The following METTL16 variants were observed in gnomAD, a reference collection of about 807,000 sequenced individuals.
METTL16 encodes the protein methyltransferase 16, RNA N6-adenosine.
METTL16 carries 19 observed loss-of-function variants against 57.9 expected under a neutral mutation model. The observed-to-expected ratio is 0.33, with a 90% confidence interval of 0.23 to 0.48. METTL16 has a LOEUF of 0.48. METTL16 is among the 20% of genes least tolerant of loss of function. The pLI, the probability that METTL16 is intolerant of heterozygous loss-of-function variation, is 0.99. For missense variants in METTL16, 434 were observed against 691.5 expected (o/e 0.63, Z 4.18); for synonymous variants, 246 against 255.6 (o/e 0.96, Z 0.36).
At chr17:2,461,163 G>A (rs1406542141) in intron 6 of METTL16, among the ~76,000 whole-genome samples, 1 of 152,054 alleles carries the variant, frequency 6.6e-6, no homozygotes, top group African/African-American at 2.4e-5. Context: ...GACCAGCCTG[G>A]CCAACATGGT....
intron 8 of METTL16, among the ~76,000 whole-genome samples, chr17:2,429,416 G>C (rs1209570269): frequency 6.7e-6 from 1 of 149,804 alleles, no homozygotes; most frequent in African/African-American, 2.5e-5. Flanking sequence ...TCGAACTCCT[G>C]ACCTCAGGCA....
intron 6 of METTL16, among the ~76,000 whole-genome samples, chr17:2,451,467 A>T (rs2151556837): frequency 6.6e-6 from 1 of 152,098 alleles, no homozygotes; most frequent in South Asian, 2.1e-4. Context: ...AAAAATACAA[A>T]AAAATTTAGC....
rs149928248 is a variant in METTL16 at position 2,495,510 on chromosome 17, C to T, written c.128+6694G>A. Among the ~76,000 whole-genome samples the T allele has an allele frequency of 8.4e-3, 1,267 of 151,120 alleles. 13 individuals are homozygous for T. Among genetic ancestry groups the T allele is most frequent in the South Asian group, 0.029 (138 of 4,780 alleles). ...AGGAGTTCGAGACCAGCCTGGCTAACATGGTGAAACACTGTCTCTACTAAA... is the reference window on the plus strand; with the variant it reads ...AGGAGTTCGAGACCAGCCTGGCTAATATGGTGAAACACTGTCTCTACTAAA... On this transcript the variant is annotated intron_variant, in intron 2 of 9. Transcript: ENST00000263092.
At chr17:2,483,856 T>C (rs1472152206) in intron 2 of METTL16, among the ~76,000 whole-genome samples, 4 of 152,188 alleles carry the variant, frequency 2.6e-5, no homozygotes, top group East Asian at 1.9e-4. Context: ...TTCAATGACA[T>C]AGGAATGAAA....
At chr17:2,468,500 G>A (rs971470127) in intron 4 of METTL16, among the ~76,000 whole-genome samples, 2 of 152,146 alleles carry the variant, frequency 1.3e-5, no homozygotes, top group Non-Finnish European at 2.9e-5. Flanking sequence ...GACCGCAAAT[G>A]CATCAAAGGG....
At chr17:2,471,463 A>T (rs761797463) in intron 4 of METTL16, among the ~76,000 whole-genome samples, 6 of 152,162 alleles carry the variant, frequency 3.9e-5, no homozygotes, top group Non-Finnish European at 8.8e-5. Flanking sequence ...TTTTGGATAT[A>T]ATACCAACAG....
chr17:2,424,031 TATACAATGGTCA>T (rs1254276054), intron 8 of METTL16: 1 of 152,192 alleles, frequency 6.6e-6, no homozygotes, highest in Non-Finnish European at 1.5e-5. Context: ...AACTTTCCCA[TATACAATGGTCA>T]GTCAACAAAC....
intron 8 of METTL16, among the ~76,000 whole-genome samples, chr17:2,437,260 C>T (rs1390952877): frequency 2.6e-5 from 4 of 152,036 alleles, no homozygotes; most frequent in Non-Finnish European, 5.9e-5. Flanking sequence ...GATCTATCAC[C>T]CAGCTTCAAA....
rs111345302 is a variant in METTL16, at chr17:2,498,843, T to A, written c.128+3361A>T. Among the ~76,000 whole-genome samples, 953 of 151,614 alleles carry A rather than the reference T, an allele frequency of 6.3e-3. 39 individuals carry two copies. The highest frequency in any genetic ancestry group is 0.022 in the African/African-American group (904 of 40,966). On this transcript the variant is annotated intron_variant, in intron 2 of 9. Coordinates refer to ENST00000263092, the MANE Select transcript of METTL16 (RefSeq NM_024086.4). The stretch of plus-strand genomic sequence containing the variant: ...AAATTTCAAACTCCTCAGTGGGCCT[T>A]ATAAAGCACCACAAAGTATAACCAT...
chr17:2,474,399 A>T (rs1306104424), intron 3 of METTL16, among the ~76,000 whole-genome samples: 1 of 151,240 alleles, frequency 6.6e-6, no homozygotes, highest in African/African-American at 2.4e-5. Context: ...AAAAAAAAAA[A>T]AAAAAAAAGC....
At chr17:2,475,159 C>T (rs1409227946) in intron 3 of METTL16, 2 of 152,144 alleles carry the variant, frequency 1.3e-5, no homozygotes, top group Non-Finnish European at 2.9e-5. Flanking sequence ...TTCCTCATTA[C>T]GCATCCTGAA....
At chr17:2,441,583 G>C in intron 6 of METTL16, 24 bp from the exon 7 acceptor site, 1 of 1,498,942 alleles carries the variant, frequency 6.7e-7, no homozygotes, top group Non-Finnish European at 9.0e-7. Context: ...AATCAGACAA[G>C]TAAATACGGT....
chr17:2,424,229 T>C (rs957136195), intron 8 of METTL16: 1 of 149,980 alleles, frequency 6.7e-6, no homozygotes, highest in African/African-American at 2.4e-5. Context: ...TTCTCCTGCC[T>C]CAGCCTCCCA....
At chr17:2,498,833 C>T (rs2067465895) in intron 2 of METTL16, among the ~76,000 whole-genome samples, 1 of 151,576 alleles carries the variant, frequency 6.6e-6, no homozygotes, top group Non-Finnish European at 1.5e-5. Context: ...TCAAACTCCT[C>T]AGTGGGCCTT....
chr17:2,432,836 A>G (rs2066882848), intron 8 of METTL16, among the ~76,000 whole-genome samples: 3 of 152,338 alleles, frequency 2.0e-5, no homozygotes, highest in African/African-American at 7.2e-5. Context: ...CACTAAGTTA[A>G]GTACACTTAA....
At chr17:2,452,833 G>A (rs922338089) in intron 6 of METTL16, among the ~76,000 whole-genome samples, 3 of 151,936 alleles carry the variant, frequency 2.0e-5, no homozygotes, top group African/African-American at 4.8e-5. Flanking sequence ...TTTTAAAAGC[G>A]TGTATTGTTT....
chr17:2,492,426 G>T (rs943496929), intron 2 of METTL16, among the ~76,000 whole-genome samples: 1 of 152,034 alleles, frequency 6.6e-6, no homozygotes, highest in African/African-American at 2.4e-5. Context: ...AGCAATCCTT[G>T]CCACCTTACT....
At chr17:2,478,129 G>A (rs2067280141) in intron 2 of METTL16, among the ~76,000 whole-genome samples, 1 of 152,166 alleles carries the variant, frequency 6.6e-6, no homozygotes, top group South Asian at 2.1e-4. Flanking sequence ...GAGATTAAAT[G>A]ACTCGGCTCA....
intron 8 of METTL16, 129 bp from the exon 9 acceptor site, chr17:2,421,033 G>A (rs2151682527): frequency 9.7e-7 from 1 of 1,035,488 alleles, no homozygotes; most frequent in Non-Finnish European, 1.4e-6. Flanking sequence ...AAAACACAAA[G>A]GGTTTTGTGT....
Sources: allele counts gnomAD v4.1 joint callset (sites outside exome capture counted in the v4.1 genomes callset), GRCh38; gene constraint gnomAD v4.1.1; transcripts MANE v1.5; gene names NCBI Gene and HGNC (gene_info 2026-07-23, HGNC 2026-07-21).